The following NR2F1-AS1 variants were observed in gnomAD, a reference collection of about 807,000 sequenced individuals.
NR2F1-AS1 encodes NR2F1 regulatory antisense RNA 1.
intron 4 of NR2F1-AS1, among the ~76,000 whole-genome samples, chr5:93,469,638 G>A (rs138398810): frequency 2.7e-3 from 416 of 152,156 alleles, no homozygotes; most frequent in African/African-American, 9.6e-3. Flanking sequence ...ACAACAGCTT[G>A]CACCATGCCT....
At chr5:93,477,062 G>A (rs949961715) in intron 4 of NR2F1-AS1, among the ~76,000 whole-genome samples, 13 of 152,012 alleles carry the variant, frequency 8.6e-5, no homozygotes, top group Admixed American at 5.9e-4. Flanking sequence ...GTGAAACTTC[G>A]GGGAAATATC....
chr5:93,472,111 C>A (rs1452945027), intron 4 of NR2F1-AS1, among the ~76,000 whole-genome samples: 1 of 151,720 alleles, frequency 6.6e-6, no homozygotes, highest in East Asian at 1.9e-4. Flanking sequence ...GTTCACAAAG[C>A]TGGTAAATAG....
chr5:93,467,647 G>A (rs1256165828), intron 4 of NR2F1-AS1, among the ~76,000 whole-genome samples: 1 of 152,126 alleles, frequency 6.6e-6, no homozygotes, highest in African/African-American at 2.4e-5. Context: ...TCCTTTGTTA[G>A]ATAACAATTT....
intron 4 of NR2F1-AS1, among the ~76,000 whole-genome samples, chr5:93,429,024 T>C (rs1448195318): frequency 6.6e-6 from 1 of 152,198 alleles, no homozygotes; most frequent in Non-Finnish European, 1.5e-5. Context: ...AGGCCCAGAC[T>C]GGCTTCATCT....
At chr5:93,493,474 T>C (rs1309666121) in intron 4 of NR2F1-AS1, among the ~76,000 whole-genome samples, 2 of 152,022 alleles carry the variant, frequency 1.3e-5, no homozygotes, top group African/African-American at 2.4e-5. Flanking sequence ...CAGATAACAA[T>C]ATTACCCAAA....
chr5:93,567,605 A>C (rs148022273), intron 1 of NR2F1-AS1, among the ~76,000 whole-genome samples: 1 of 152,338 alleles, frequency 6.6e-6, no homozygotes, highest in Non-Finnish European at 1.5e-5. Flanking sequence ...TGCAGGCTGC[A>C]ATGACACAGT....
chr5:93,520,865 T>C (rs1344456864), intron 4 of NR2F1-AS1, among the ~76,000 whole-genome samples: 1 of 152,140 alleles, frequency 6.6e-6, no homozygotes, highest in Non-Finnish European at 1.5e-5. Context: ...TTGACCAAAA[T>C]AAGAATTAAA....
chr5:93,521,635 G>A (rs1751503484), intron 4 of NR2F1-AS1, among the ~76,000 whole-genome samples: 1 of 152,176 alleles, frequency 6.6e-6, no homozygotes, highest in African/African-American at 2.4e-5. Flanking sequence ...CTGATCATTA[G>A]AGAAATGCAA....
chr5:93,466,526 C>T (rs746783032), intron 4 of NR2F1-AS1, among the ~76,000 whole-genome samples: 36 of 151,696 alleles, frequency 2.4e-4, no homozygotes, highest in Admixed American at 2.6e-4. Context: ...TTAGTAGAGA[C>T]AGGGTTTCAC....
At chr5:93,580,501 G>C (rs976787436) in exon 1 of NR2F1-AS1, 1 of 152,304 alleles carries the variant, frequency 6.6e-6, no homozygotes, top group Non-Finnish European at 1.5e-5. Context: ...TCTCGTTTCT[G>C]GTGCCCACGA....
chr5:93,566,425 T>A (rs912603785), intron 1 of NR2F1-AS1, among the ~76,000 whole-genome samples: 10 of 152,082 alleles, frequency 6.6e-5, no homozygotes, highest in Admixed American at 2.0e-4. Context: ...GATCATTAAA[T>A]CAATATAATT....
chr5:93,550,855 A>C (rs1752210823), intron 4 of NR2F1-AS1, among the ~76,000 whole-genome samples: 1 of 152,242 alleles, frequency 6.6e-6, no homozygotes, highest in South Asian at 2.1e-4. Context: ...AGGAAAAATG[A>C]ACCTGATTCA....
chr5:93,545,395 G>A (rs1168765484), intron 4 of NR2F1-AS1, among the ~76,000 whole-genome samples: 3 of 152,144 alleles, frequency 2.0e-5, no homozygotes, highest in African/African-American at 7.2e-5. Context: ...AAAAATAGAG[G>A]AGTACTTGGT....
chr5:93,420,266 T>C (rs568597796), intron 4 of NR2F1-AS1, among the ~76,000 whole-genome samples: 1 of 152,266 alleles, frequency 6.6e-6, no homozygotes, highest in South Asian at 2.1e-4. Flanking sequence ...CCCCCAGCCT[T>C]AGAGAAAATG....
intron 4 of NR2F1-AS1, among the ~76,000 whole-genome samples, chr5:93,423,762 T>C (rs1446543624): frequency 6.6e-6 from 1 of 152,198 alleles, no homozygotes; most frequent in Non-Finnish European, 1.5e-5. Flanking sequence ...CCAAGTACTA[T>C]ACTTTCATGA....
intron 4 of NR2F1-AS1, among the ~76,000 whole-genome samples, chr5:93,431,157 TAAATA>T (rs1749304999): frequency 6.6e-6 from 1 of 152,178 alleles, no homozygotes; most frequent in African/African-American, 2.4e-5. Context: ...CCATAAAAAT[TAAATA>T]AAACAGGACA....
At chr5:93,563,478 G>A (rs1242302975) in intron 1 of NR2F1-AS1, 3 of 152,054 alleles carry the variant, frequency 2.0e-5, no homozygotes, top group Non-Finnish European at 4.4e-5. Flanking sequence ...AGAAACACAG[G>A]GAAATTTAAT....
At chr5:93,523,574 G>A (rs192104231) in intron 4 of NR2F1-AS1, among the ~76,000 whole-genome samples, 85 of 152,324 alleles carry the variant, frequency 5.6e-4, no homozygotes, top group African/African-American at 1.9e-3. Context: ...TTGGGCAGCA[G>A]GGTTGGACAG....
intron 4 of NR2F1-AS1, among the ~76,000 whole-genome samples, chr5:93,481,624 T>G (rs961374019): frequency 3.3e-5 from 5 of 152,100 alleles, no homozygotes; most frequent in African/African-American, 1.2e-4. Context: ...CAAGTTCACA[T>G]GAAACATTCT....
Sources: allele counts gnomAD v4.1 joint callset (sites outside exome capture counted in the v4.1 genomes callset), GRCh38; gene constraint gnomAD v4.1.1; transcripts MANE v1.5; gene names NCBI Gene and HGNC (gene_info 2026-07-23, HGNC 2026-07-21).